The following ARSJ variants were observed in gnomAD, a reference collection of about 807,000 sequenced individuals.
ARSJ encodes arylsulfatase family member J, also known as arylsulfatase J.
ARSJ carries 26 observed loss-of-function variants against 35.9 expected under a neutral mutation model. The observed-to-expected ratio is 0.72, with a 90% confidence interval of 0.53 to 1.00. ARSJ has a LOEUF of 1.00. ARSJ is among the 50% of genes least tolerant of loss of function. The pLI, the probability that ARSJ is intolerant of heterozygous loss-of-function variation, is 0.00. For missense variants in ARSJ, 667 were observed against 723.6 expected, an observed-to-expected ratio of 0.92 and a Z score of 0.90; for synonymous variants, 294 against 267.6, an observed-to-expected ratio of 1.10 and a Z score of -0.96.
chr4:113,947,662 A>G (rs1322512122), intron 1 of ARSJ, among the ~76,000 whole-genome samples: 3 of 151,974 alleles, frequency 2.0e-5, no homozygotes, highest in Admixed American at 6.6e-5. Flanking sequence ...ATTGAAAAAT[A>G]ACTTTTATCT....
intron 1 of ARSJ, among the ~76,000 whole-genome samples, chr4:113,947,082 A>C (rs905284040): frequency 1.3e-5 from 2 of 152,188 alleles, no homozygotes; most frequent in Non-Finnish European, 2.9e-5. Context: ...TAAACTAGGT[A>C]AAAACCATTA....
chr4:113,912,314 C>T (rs1461919527), intron 1 of ARSJ, among the ~76,000 whole-genome samples: 1 of 152,140 alleles, frequency 6.6e-6, no homozygotes, highest in Non-Finnish European at 1.5e-5. Context: ...GCATCACTTA[C>T]TATAGAGAAG....
rs1303126029 is a variant in ARSJ, at chr4:113,900,998, A to G, written c.*1276T>C. The G allele has an allele frequency of 2.0e-5, 3 of 152,166 alleles. No homozygotes were observed. The highest frequency in any genetic ancestry group is 2.9e-5 in the Non-Finnish European group (2 of 68,030). 9.4% of individuals were successfully genotyped at this position (152,166 alleles called of 1,614,324 possible). ...CAACCTAATATAAATGTTAGTTATT[A>G]TTATGGGAAAATCTTTCTCCATGTC... On this transcript the variant is annotated 3_prime_UTR_variant, in exon 2 of 2. Coordinates refer to ENST00000315366, the MANE Select transcript of ARSJ (RefSeq NM_024590.4).
intron 1 of ARSJ, among the ~76,000 whole-genome samples, chr4:113,914,519 G>A (rs1055645995): frequency 6.6e-6 from 1 of 152,122 alleles, no homozygotes; most frequent in Non-Finnish European, 1.5e-5. Flanking sequence ...GAGCAGAATT[G>A]CCTTCTTTTA....
chr4:113,970,387 A>G (rs532665710), intron 1 of ARSJ: 3 of 152,300 alleles, frequency 2.0e-5, no homozygotes, highest in Admixed American at 2.0e-4. Context: ...AATTTATATA[A>G]TTTCTCTAAA....
chr4:113,941,778 G>A (rs1438324728), intron 1 of ARSJ, among the ~76,000 whole-genome samples: 1 of 151,934 alleles, frequency 6.6e-6, no homozygotes, highest in African/African-American at 2.4e-5. Flanking sequence ...AATTAATATT[G>A]CCAAGTTAAG....
chr4:113,926,102 C>A lies in ARSJ; in HGVS notation c.399-22427G>T, dbSNP rs371201452. Among the ~76,000 whole-genome samples, 40 of 152,276 alleles carry A rather than the reference C, an allele frequency of 2.6e-4. 1 individual carries two copies. The highest frequency in any genetic ancestry group is 9.4e-4 in the African/African-American group (39 of 41,580). ...CATCCTATCCCTTGATTATTAAAATCCTCCTCTGCTGAGGTCACCTATTGG... is the reference window on the plus strand; with the variant it reads ...CATCCTATCCCTTGATTATTAAAATACTCCTCTGCTGAGGTCACCTATTGG... On this transcript the variant is annotated intron_variant, in intron 1 of 1. Transcript: ENST00000315366.
At chr4:113,932,902 G>A (rs1322323652) in intron 1 of ARSJ, among the ~76,000 whole-genome samples, 1 of 151,872 alleles carries the variant, frequency 6.6e-6, no homozygotes, top group Admixed American at 6.6e-5. Context: ...CAATACAGAA[G>A]TTCACTTAAG....
At chr4:113,908,477 T>C (rs2099669439) in intron 1 of ARSJ, among the ~76,000 whole-genome samples, 1 of 152,244 alleles carries the variant, frequency 6.6e-6, no homozygotes, top group Non-Finnish European at 1.5e-5. Context: ...ATCCATTTTT[T>C]ACACGTCAGC....
intron 1 of ARSJ, among the ~76,000 whole-genome samples, chr4:113,935,365 C>A (rs1724700121): frequency 6.6e-6 from 1 of 151,818 alleles, no homozygotes; most frequent in Non-Finnish European, 1.5e-5. Flanking sequence ...TATTGAGCAA[C>A]TTCTGTGAGT....
chr4:113,908,729 C>T (rs1317503413), intron 1 of ARSJ, among the ~76,000 whole-genome samples: 2 of 152,080 alleles, frequency 1.3e-5, no homozygotes, highest in Admixed American at 1.3e-4. Flanking sequence ...CTCATGCATA[C>T]TGTATTAATT....
intron 1 of ARSJ, among the ~76,000 whole-genome samples, chr4:113,955,783 G>GT (rs1726144293): frequency 6.6e-6 from 1 of 152,016 alleles, no homozygotes; most frequent in African/African-American, 2.4e-5. Context: ...CTATAATGAA[G>GT]TTTTTTGATT....
intron 1 of ARSJ, among the ~76,000 whole-genome samples, chr4:113,951,655 T>G (rs2149275465): frequency 6.6e-6 from 1 of 152,228 alleles, no homozygotes; most frequent in East Asian, 1.9e-4. Context: ...AGGAGTTTAT[T>G]TTATGAATCT....
intron 1 of ARSJ, among the ~76,000 whole-genome samples, chr4:113,972,671 A>C (rs1189020801): frequency 6.6e-6 from 1 of 152,062 alleles, no homozygotes; most frequent in East Asian, 1.9e-4. Context: ...CACCACACAC[A>C]GCTAATTATT....
At position 113,903,207 on chromosome 4, in the gene ARSJ, G is replaced by A; in HGVS notation, c.867C>T (p.Asn289=). 1.2e-6 allele frequency: 2 copies of A among 1,614,152 alleles called. No homozygotes were observed. Among genetic ancestry groups the A allele is most frequent in the South Asian group, 2.2e-5 (2 of 91,080 alleles). The change falls in exon 2 of 2, where the codon AAC becomes AAT. Residue 289 remains asparagine (N), a synonymous_variant. Coordinates refer to ENST00000315366, the MANE Select transcript of ARSJ (RefSeq NM_024590.4). The part of the protein sequence containing the change: ...FEHYRSIINI[N]RRRYAAMLSC... Reference sequence around the variant, plus strand: ...AAAGCATGGCAGCATATCTCCTCCTGTTTATGTTGATAATGGATCGGTAGT... The same window carrying A: ...AAAGCATGGCAGCATATCTCCTCCTATTTATGTTGATAATGGATCGGTAGT...
chr4:113,976,561 T>C (rs1594530003), intron 1 of ARSJ, among the ~76,000 whole-genome samples: 1 of 152,326 alleles, frequency 6.6e-6, no homozygotes, highest in East Asian at 1.9e-4. Context: ...AGAACTGGGC[T>C]TCCATAACTG....
rs936991320 is a variant in ARSJ at position 113,978,660 on chromosome 4, G to A, written c.175C>T (p.Leu59=). 11 of 1,614,106 alleles carry A rather than the reference G, an allele frequency of 6.8e-6. No individual in the cohort carries two copies. In the African/African-American group the frequency reaches 8.0e-5, roughly 12 times the overall value. Residue 59 remains leucine, a synonymous_variant, in exon 1 of 2, where the codon CTA becomes TTA. Coordinates refer to ENST00000315366, the MANE Select transcript of ARSJ (RefSeq NM_024590.4). The part of the protein sequence containing the change: ...ALEEEEEGAL[L]AQAGEKLEPS... ...TCTAGTTTCTCTCCAGCTTGAGCTA[G>A]TAAGGCCCCTTCTTCCTCCTCTTCT...
At chr4:113,909,532 T>C (rs533669445) in intron 1 of ARSJ, among the ~76,000 whole-genome samples, 1 of 152,280 alleles carries the variant, frequency 6.6e-6, no homozygotes, top group African/African-American at 2.4e-5. Flanking sequence ...GTTTTCCTCA[T>C]GCTATTCTCG....
chr4:113,920,531 G>C (rs1279810536), intron 1 of ARSJ, among the ~76,000 whole-genome samples: 1 of 152,096 alleles, frequency 6.6e-6, no homozygotes, highest in Non-Finnish European at 1.5e-5. Context: ...GAGCTTCAAG[G>C]GGGTTTCAGT....
Sources: allele counts gnomAD v4.1 joint callset (sites outside exome capture counted in the v4.1 genomes callset), GRCh38; gene constraint gnomAD v4.1.1; transcripts MANE v1.5; gene names NCBI Gene and HGNC (gene_info 2026-07-23, HGNC 2026-07-21).